The following NPLOC4 variants were observed in gnomAD, a reference collection of about 807,000 sequenced individuals.
NPLOC4 encodes nuclear protein localization protein 4 homolog.
Under a neutral mutation model 80.6 loss-of-function variants are expected in NPLOC4, and 18 were observed. That is an observed-to-expected ratio of 0.22 (90% confidence interval 0.15 to 0.33). The LOEUF is 0.33. Among genes scored for constraint, NPLOC4 ranks in the 10% least tolerant of loss-of-function variants. The pLI is 1.00. For synonymous variants in NPLOC4, 313 were observed against 301.5 expected, an observed-to-expected ratio of 1.04 and a Z score of -0.39; for missense variants, 540 against 786.1, an observed-to-expected ratio of 0.69 and a Z score of 3.74.
chr17:81,566,987 G>A (rs1407782284), intron 15 of NPLOC4: 2 of 181,010 alleles, frequency 1.1e-5, no homozygotes, highest in African/African-American at 4.7e-5. Flanking sequence ...CAAGCCTTCT[G>A]GGCCAAGGCA....
intron 12 of NPLOC4, among the ~76,000 whole-genome samples, chr17:81,575,940 T>C (rs984464733): frequency 2.6e-5 from 4 of 152,242 alleles, no homozygotes; most frequent in Non-Finnish European, 4.4e-5. Flanking sequence ...CACAATCTCC[T>C]ATGAGTGAAA....
Position 81,576,696 on chromosome 17 carries a change from A to T in NPLOC4, c.1282-4608T>A, listed in dbSNP as rs539771201. Among the ~76,000 whole-genome samples the T allele has an allele frequency of 2.6e-5, 4 of 152,372 alleles. No individual in the cohort carries two copies. In the South Asian group the frequency reaches 8.3e-4, roughly 32 times the overall value. ...CAAAGGGTTAATATACAAAGACCTC[A>T]CAAATGAATGCCAAAAATGATGAAT... On this transcript the variant is annotated intron_variant, in intron 12 of 16. Transcript: ENST00000331134.
chr17:81,572,035 C>T lies in NPLOC4; in HGVS notation c.1335G>A (p.Val445=). The change falls in exon 13 of 17, where the codon GTG becomes GTA. Residue 445 remains valine, a synonymous_variant. Transcript: ENST00000331134. This position sits in a 1 kb window ranked among gnomAD's most constrained non-coding sequence, Gnocchi z 4.5. The stretch of plus-strand genomic sequence containing the variant: ...CACTTACGTCTATGATGAGATACTC[C>T]ACAGGCAGGGGCCGGGCCAGCTGGG... ...EITQLARPLP[V]EYLIIDITTT... The T allele has an allele frequency of 6.2e-7, 1 of 1,605,848 alleles. No homozygotes were observed. The highest frequency in any genetic ancestry group is 8.5e-7 in the Non-Finnish European group (1 of 1,175,266).
Position 81,569,105 on chromosome 17 carries a change from T to C in NPLOC4, c.1360A>G (p.Thr454Ala). ...TAAACTGGATCCTTGGGGAAAGTTG[T>C]TGTGATCTAATGAAGAAAAACACAA... ...PVEYLIIDIT[T>A]TFPKDPVYTF... Residue 454 changes from threonine (T) to alanine (A), a missense_variant, in exon 14 of 17, where the codon ACA becomes GCA. Physicochemically the swap from Thr to Ala is moderately conservative, Grantham distance 58. Coordinates refer to ENST00000331134, the MANE Select transcript of NPLOC4 (RefSeq NM_017921.4). The C allele has an allele frequency of 6.2e-7, 1 of 1,609,146 alleles. No homozygotes were observed. The highest frequency in any genetic ancestry group is 8.5e-7 in the Non-Finnish European group (1 of 1,175,558).
At chr17:81,625,798 G>T (rs771340226) in intron 2 of NPLOC4, among the ~76,000 whole-genome samples, 8 of 151,360 alleles carry the variant, frequency 5.3e-5, no homozygotes, top group Non-Finnish European at 1.0e-4. Context: ...GCAGAGATTT[G>T]GGGAAAAAAA....
chr17:81,559,695 C>T (rs892854128), intron 16 of NPLOC4, among the ~76,000 whole-genome samples: 4 of 151,538 alleles, frequency 2.6e-5, no homozygotes, highest in African/African-American at 9.7e-5. Flanking sequence ...TAACGTAACT[C>T]CCCGGGGGAT....
chr17:81,615,891 A>G (rs1021399181), intron 3 of NPLOC4, among the ~76,000 whole-genome samples: 2 of 152,236 alleles, frequency 1.3e-5, no homozygotes, highest in African/African-American at 4.8e-5. Context: ...CTGCTGGGCC[A>G]TGCATCTGGA....
intron 3 of NPLOC4, among the ~76,000 whole-genome samples, chr17:81,618,497 G>A (rs1309358521): frequency 1.4e-4 from 19 of 134,966 alleles, no homozygotes; most frequent in African/African-American, 3.4e-4. Context: ...GGGGGTCAGC[G>A]ACCCCGCCCG....
chr17:81,578,218 C>T (rs2034351397), intron 12 of NPLOC4, among the ~76,000 whole-genome samples: 1 of 152,312 alleles, frequency 6.6e-6, no homozygotes, highest in East Asian at 1.9e-4. Context: ...CAAGCCACTC[C>T]AGCTAGACTG....
chr17:81,566,686 G>A (rs1363580297), intron 15 of NPLOC4: 1 of 152,314 alleles, frequency 6.6e-6, no homozygotes, highest in East Asian at 1.9e-4. Flanking sequence ...AAGGCCGGGG[G>A]AGGAGGAGCC....
intron 1 of NPLOC4, among the ~76,000 whole-genome samples, chr17:81,635,804 C>A (rs1257492012): frequency 6.6e-6 from 1 of 152,132 alleles, no homozygotes; most frequent in Admixed American, 6.6e-5. Context: ...TAAGCTTCCC[C>A]CAGAAATCCC....
At position 81,557,923 on chromosome 17, in the gene NPLOC4, T is replaced by C. The variant is rs2033695477; in HGVS notation, c.*1336A>G. ...CCAACAGGCAAATGTTCTCTGTTCA[T>C]AGTGCCAAGAATGTGGGTCACGTGG... On this transcript the variant is annotated 3_prime_UTR_variant, in exon 17 of 17. Transcript: ENST00000331134. 7 of 152,488 alleles carry C rather than the reference T, an allele frequency of 4.6e-5. No individual in the cohort carries two copies. Among genetic ancestry groups the C allele is most frequent in the South Asian group, 4.1e-4 (2 of 4,842 alleles). The allele number at this position is 152,488 out of a possible 1,614,324, so 9.4% of individuals were successfully genotyped here. A position where few individuals can be genotyped will look rare whatever the true frequency, so the allele number is the denominator to read the frequency against.
At chr17:81,605,647 CAA>C (rs879678650) in intron 7 of NPLOC4, among the ~76,000 whole-genome samples, 4 of 128,094 alleles carry the variant, frequency 3.1e-5, no homozygotes, top group Admixed American at 8.0e-5. Context: ...GACTCTGTCT[CAA>C]AAAAAAAAAA....
chr17:81,611,263 T>G (rs1463849528), intron 4 of NPLOC4, among the ~76,000 whole-genome samples: 2 of 152,088 alleles, frequency 1.3e-5, no homozygotes, highest in African/African-American at 4.8e-5. Flanking sequence ...AAGGTTGCGA[T>G]GAGCTGAGAT....
chr17:81,572,110 A>G lies in NPLOC4; in HGVS notation c.1282-22T>C, dbSNP rs367858990. 1.0e-5 allele frequency: 16 copies of G among 1,567,884 alleles called. No individual in the cohort carries two copies. Among genetic ancestry groups the G allele is most frequent in the Non-Finnish European group, 1.2e-5 (14 of 1,146,238 alleles). ...CGTCCTGCAATAGTCAGAGGGGAAC[A>G]GCGGTGAGCAAAGACGATCAGTAGT... is the stretch of plus-strand genomic sequence containing the variant. On this transcript the variant is annotated intron_variant, in intron 12 of 16. Transcript: ENST00000331134. This position sits in a 1 kb window ranked among gnomAD's most constrained non-coding sequence, Gnocchi z 4.5.
chr17:81,631,046 A>G (rs1447040934), intron 1 of NPLOC4, among the ~76,000 whole-genome samples: 1 of 151,328 alleles, frequency 6.6e-6, no homozygotes, highest in African/African-American at 2.4e-5. Flanking sequence ...GGTGGCGGGC[A>G]CCTGTAATCC....
intron 12 of NPLOC4, among the ~76,000 whole-genome samples, chr17:81,587,536 C>T (rs1046740881): frequency 2.7e-5 from 4 of 147,196 alleles, no homozygotes; most frequent in Admixed American, 2.1e-4. Context: ...AGGATGGTCT[C>T]GATCTCCTGA....
At chr17:81,596,390 T>C in intron 10 of NPLOC4, 148 bp from the exon 11 acceptor site, 2 of 862,210 alleles carry the variant, frequency 2.3e-6, no homozygotes, top group Non-Finnish European at 3.5e-6. Context: ...GGAGGTCCAC[T>C]TGAGGACAAG....
At chr17:81,585,170 C>A (rs1240469032) in intron 12 of NPLOC4, among the ~76,000 whole-genome samples, 8 of 40,872 alleles carry the variant, frequency 2.0e-4, no homozygotes, top group Admixed American at 4.6e-4. Context: ...ACTCTGTCGC[C>A]AAAAAAAAAA....
Sources: allele counts gnomAD v4.1 joint callset (sites outside exome capture counted in the v4.1 genomes callset), GRCh38; gene constraint gnomAD v4.1.1; non-coding constraint Gnocchi (gnomAD v3.1); transcripts MANE v1.5; gene names NCBI Gene and HGNC (gene_info 2026-07-23, HGNC 2026-07-21).